CAMTA2: variants seen among roughly 807,000 people sequenced by gnomAD.
The protein encoded by CAMTA2 is calmodulin-binding transcription activator 2.
A neutral mutation model predicts 135.7 loss-of-function variants in CAMTA2; 56 were observed. That is an observed-to-expected ratio of 0.41 (90% CI 0.33 to 0.52). The LOEUF (loss-of-function observed/expected upper bound fraction) is 0.52. Among genes scored for constraint, CAMTA2 ranks in the 20% least tolerant of loss-of-function variants. CAMTA2 has a pLI of 0.16. For missense variants in CAMTA2, 1,358 were observed against 1,553.4 expected (o/e 0.87, Z 2.11); for synonymous variants, 591 against 604.6 (o/e 0.98, Z 0.33).
chr17:4,987,174 A>G, intron 1 of CAMTA2: 2 of 1,344,552 alleles, frequency 1.5e-6, no homozygotes, highest in South Asian at 1.9e-5. Context: ...CAGGGTGCGG[A>G]GCGGGAGCGG....
chr17:4,968,868 G>T, intron 22 of CAMTA2, 39 bp downstream of exon 22: 1 of 1,612,418 alleles, frequency 6.2e-7, no homozygotes, highest in Non-Finnish European at 8.5e-7. Flanking sequence ...ATCACGACGG[G>T]TGGCAACGCA....
rs1973007885 is a variant in CAMTA2, at chr17:4,982,331, A to T, written c.340-171T>A. The stretch of plus-strand genomic sequence containing the variant: ...TTTTGAATCCCAGCCACCCTGAGTC[A>T]TAGATGAGCAGTGGGGCTGGGGCCT... On this transcript the variant is annotated intron_variant, in intron 5 of 22. Transcript: ENST00000348066. 6.4e-6 allele frequency: 4 copies of T among 623,210 alleles called. No homozygotes were observed. In the South Asian group the frequency reaches 7.2e-5, roughly 11 times the overall value. The allele number at this position is 623,210 out of a possible 1,614,324, so 38.6% of individuals were successfully genotyped here.
In CAMTA2 at chr17:4,986,068, CAG is replaced by C. The variant is rs150505381; in HGVS notation, c.32-87_32-86del. The C allele has an allele frequency of 5.1e-3, 5,920 of 1,169,996 alleles. 197 individuals carry two copies. In the African/African-American group the frequency reaches 0.078, roughly 15 times the overall value. The allele number at this position is 1,169,996 out of a possible 1,614,324, so 72.5% of individuals were successfully genotyped here. On this transcript the variant is annotated intron_variant, in intron 2 of 22. Transcript: ENST00000348066. ...CAAGGGGAAAGGGCTGAAGGCAATA[CAG>C]AGCACTGGGGAAAACTGAAACCTCA...
At chr17:4,986,509 A>T in intron 1 of CAMTA2, 1 of 534,166 alleles carries the variant, frequency 1.9e-6, no homozygotes. Context: ...GCAGGAAGAA[A>T]TGGGTTGGGG....
rs1443216977 is a variant in CAMTA2, at chr17:4,980,580, G to C, written c.742C>G (p.Arg248Gly). The stretch of plus-strand genomic sequence containing the variant: ...GGCTCCACTTTGGGAGAGATGATGC[G>C]GTGTTTCGTGCTGCTGCATTTGTGG... ...LTHKCSSTKH[R>G]IISPKVEPRA... is the part of the protein sequence containing the mutation. The change falls in exon 9 of 23, where the codon CGC becomes GGC. Residue 248 changes from arginine (R) to glycine (G), a missense_variant. Around this residue, in one of 4 missense-constraint regions of CAMTA2, gnomAD observed 1,077 missense variants for 1,127.5 expected, o/e 0.96. Coordinates refer to ENST00000348066, the MANE Select transcript of CAMTA2 (RefSeq NM_015099.4). The surrounding 1 kb of genome is among the most constrained non-coding windows in gnomAD (Gnocchi z 5.3). The C allele has an allele frequency of 6.2e-7, 1 of 1,613,964 alleles. No individual in the cohort carries two copies.
intron 11 of CAMTA2, among the ~76,000 whole-genome samples, chr17:4,975,726 C>T (rs539971438): frequency 6.6e-6 from 1 of 152,264 alleles, no homozygotes; most frequent in Admixed American, 6.5e-5. Flanking sequence ...TAAGATAACA[C>T]AGATGGCAGC....
At chr17:4,977,580 G>C (rs898459349) in intron 10 of CAMTA2, among the ~76,000 whole-genome samples, 8 of 152,234 alleles carry the variant, frequency 5.3e-5, no homozygotes, top group Non-Finnish European at 7.3e-5. Flanking sequence ...AGCCGCTCAT[G>C]AACAGTGTCC....
chr17:4,971,244 T>A (rs2151162019), intron 16 of CAMTA2, among the ~76,000 whole-genome samples: 1 of 152,210 alleles, frequency 6.6e-6, no homozygotes, highest in East Asian at 1.9e-4. Context: ...CAGCCTTACC[T>A]CTCCACACAA....
intron 5 of CAMTA2, 99 bp downstream of exon 5, chr17:4,982,658 G>A (rs766833640): frequency 6.8e-6 from 9 of 1,317,944 alleles, no homozygotes; most frequent in Non-Finnish European, 8.5e-6. Context: ...GGAGGGGACT[G>A]AGGTGGACAA....
intron 1 of CAMTA2, chr17:4,987,384 C>T (rs2143123121): frequency 7.3e-7 from 1 of 1,366,730 alleles, no homozygotes; most frequent in East Asian, 3.0e-5. Context: ...CGGGGGTCTC[C>T]GGGACAGTCC....
At chr17:4,973,355 C>G in intron 13 of CAMTA2, 102 bp from the exon 14 acceptor site, 1 of 1,008,938 alleles carries the variant, frequency 9.9e-7, no homozygotes, top group Non-Finnish European at 1.6e-6. Flanking sequence ...TGTACAGGGC[C>G]GGTGGGAAGA....
rs746109661 is a variant in CAMTA2, at chr17:4,969,119, G to A, written c.3470+31C>T. On this transcript the variant is annotated intron_variant, in intron 21 of 22. Transcript: ENST00000348066. This position sits in a 1 kb window ranked among gnomAD's most constrained non-coding sequence, Gnocchi z 5.6. Reference sequence around the variant, plus strand: ...AGGGGGAATGGCGTGGATGCAGTGGGTGGGCACAGAGGGCTGGGGCTGGGC... The same window carrying A: ...AGGGGGAATGGCGTGGATGCAGTGGATGGGCACAGAGGGCTGGGGCTGGGC... The A allele has an allele frequency of 8.2e-6, 13 of 1,593,626 alleles. No individual in the cohort carries two copies. The South Asian group carries it at 8.9e-5, about 11-fold the overall frequency.
At chr17:4,974,040 TC>T in intron 12 of CAMTA2, 2 of 536,276 alleles carry the variant, frequency 3.7e-6, no homozygotes, top group Non-Finnish European at 6.6e-6. Flanking sequence ...CTTCTCCCCC[TC>T]AGAAGCCAGA....
chr17:4,968,620 G>A lies in CAMTA2; in HGVS notation c.*136C>T. ...TGTGGGAGCAAGGCGTGGGGAGGAG[G>A]GAGGAGGCCTACAGAGGGCTCCAAC... On this transcript the variant is annotated 3_prime_UTR_variant, in exon 23 of 23. Transcript: ENST00000348066. 2 of 870,224 alleles carry A rather than the reference G, an allele frequency of 2.3e-6. No homozygotes were observed. The highest frequency in any genetic ancestry group is 2.6e-5 in the East Asian group (1 of 38,328). The allele number at this position is 870,224 out of a possible 1,614,324, so 53.9% of individuals were successfully genotyped here.
Position 4,973,164 on chromosome 17 carries a change from G to T in CAMTA2, c.2280+11C>A, listed in dbSNP as rs371233767. The T allele has an allele frequency of 4.3e-5, 70 of 1,610,814 alleles. No individual in the cohort carries two copies. The highest frequency in any genetic ancestry group is 5.7e-5 in the Non-Finnish European group (67 of 1,177,462). On this transcript the variant is annotated intron_variant, in intron 14 of 22. Coordinates refer to ENST00000348066, the MANE Select transcript of CAMTA2 (RefSeq NM_015099.4). Reference sequence around the variant, plus strand: ...CTGCCCCATATGCGCTCAGGAATCCGTCATCCTCACCAGAGGGGTGCAAGA... The same window carrying T: ...CTGCCCCATATGCGCTCAGGAATCCTTCATCCTCACCAGAGGGGTGCAAGA...
At chr17:4,981,859 C>T (rs781564235) in intron 6 of CAMTA2, 28 bp from the exon 7 acceptor site, 2 of 1,571,198 alleles carry the variant, frequency 1.3e-6, no homozygotes, top group African/African-American at 1.4e-5. Context: ...CACACAGAGC[C>T]ATGGGGTCCT....
At chr17:4,972,177 C>T in intron 16 of CAMTA2, 55 bp downstream of exon 16, 6 of 1,461,226 alleles carry the variant, frequency 4.1e-6, no homozygotes, top group Non-Finnish European at 4.7e-6. Flanking sequence ...GGAAGTCGGC[C>T]TCACCCTTCC....
Position 4,969,644 on chromosome 17 carries a change from G to A in CAMTA2, c.3247C>T (p.Arg1083Trp). The A allele has an allele frequency of 1.9e-6, 3 of 1,614,026 alleles. No individual in the cohort carries two copies. The highest frequency in any genetic ancestry group is 2.5e-6 in the Non-Finnish European group (3 of 1,180,016). ...AAGGGTCTCACCTGCTTGTACTTCC[G>A]GTAACAGCGCTGGATTACAGCTGCT... ...VAAAVIQRCY[R>W]KYKQLTWIAL... The change falls in exon 19 of 23, where the codon CGG (arginine) becomes TGG (tryptophan). Residue 1083 changes from arginine to tryptophan, a missense_variant. Coordinates refer to ENST00000348066, the MANE Select transcript of CAMTA2 (RefSeq NM_015099.4). This position sits in a 1 kb window ranked among gnomAD's most constrained non-coding sequence, Gnocchi z 5.6.
Position 4,980,120 on chromosome 17 carries a change from G to A in CAMTA2, c.1202C>T (p.Pro401Leu), listed in dbSNP as rs1348235367. The change falls in exon 9 of 23, where the codon CCC becomes CTC. Residue 401 changes from proline to leucine, a missense_variant. Pro to Leu is a moderately conservative substitution (Grantham distance 98, BLOSUM62 -3). Around this residue, in one of 4 missense-constraint regions of CAMTA2, gnomAD observed 1,077 missense variants for 1,127.5 expected, o/e 0.96. Transcript: ENST00000348066. This position sits in a 1 kb window ranked among gnomAD's most constrained non-coding sequence, Gnocchi z 5.3. ...GGGGGTATGAGCGGCCTCTGCCTCG[G>A]GGAAGTCTGGGCTTACTCCCTGCCC... ...GGGQGVSPDF[P>L]EAEAAHTPCS... 2 of 1,605,746 alleles carry A rather than the reference G, an allele frequency of 1.2e-6. No individual in the cohort carries two copies. Among genetic ancestry groups the A allele is most frequent in the South Asian group, 1.1e-5 (1 of 89,992 alleles).
Sources: gnomAD v4.1 joint callset for allele counts (sites outside exome capture counted in the v4.1 genomes callset) on GRCh38, gnomAD v4.1.1 for gene constraint, gnomAD v4.1.1 regional missense constraint, Gnocchi (gnomAD v3.1) non-coding constraint, MANE v1.5 for transcripts, NCBI Gene and HGNC (gene_info 2026-07-23, HGNC 2026-07-21) for gene names.